CSMD3: variants seen among roughly 807,000 people sequenced by gnomAD.
CSMD3 encodes CUB and sushi domain-containing protein 3.
A neutral mutation model predicts 435.2 loss-of-function variants in CSMD3; 177 were observed. The observed-to-expected ratio is 0.41, with a 90% CI of 0.36 to 0.46. The LOEUF is 0.46. Among genes scored for constraint, CSMD3 ranks in the 20% least tolerant of loss-of-function variants. CSMD3 has a pLI of 0.34. For synonymous variants in CSMD3, 1,656 were observed against 1,520.5 expected (o/e 1.09, Z -2.07); for missense variants, 4,265 against 4,504.6 (o/e 0.95, Z 1.52).
chr8:112,671,454 C>G (rs933532136), intron 16 of CSMD3, among the ~76,000 whole-genome samples: 2 of 152,030 alleles, frequency 1.3e-5, no homozygotes, highest in African/African-American at 4.8e-5. Context: ...GCCAACCTAC[C>G]CCCTAACATG....
At chr8:113,102,182 G>T (rs576573869) in intron 4 of CSMD3, among the ~76,000 whole-genome samples, 2 of 152,142 alleles carry the variant, frequency 1.3e-5, no homozygotes, top group South Asian at 2.1e-4. Context: ...CAGCCTCCAG[G>T]CTTGCTTGAT....
intron 22 of CSMD3, among the ~76,000 whole-genome samples, chr8:112,621,914 G>A (rs1834102351): frequency 6.6e-6 from 1 of 152,080 alleles, no homozygotes; most frequent in African/African-American, 2.4e-5. Context: ...ACTGGAATAT[G>A]CCTCTGTCTG....
intron 30 of CSMD3, among the ~76,000 whole-genome samples, chr8:112,494,571 C>T (rs13272213): frequency 3.7e-4 from 35 of 93,718 alleles, no homozygotes; most frequent in Non-Finnish European, 4.6e-4. Flanking sequence ...TTCTTTCTTT[C>T]TTTTCTTTCT....
At chr8:112,987,813 C>T (rs2085309854) in intron 6 of CSMD3, among the ~76,000 whole-genome samples, 1 of 152,062 alleles carries the variant, frequency 6.6e-6, no homozygotes, top group Non-Finnish European at 1.5e-5. Context: ...ATTCCCTCGG[C>T]AGGATTTTCA....
rs142692024 is a variant in CSMD3 at position 113,416,537 on chromosome 8, C to T, written c.178+20140G>A. Among the ~76,000 whole-genome samples the T allele has an allele frequency of 2.8e-3, 429 of 152,176 alleles. 2 individuals are homozygous for T. Among genetic ancestry groups the T allele is most frequent in the African/African-American group, 9.8e-3 (409 of 41,536 alleles). On this transcript the variant is annotated intron_variant, in intron 1 of 70. Transcript: ENST00000297405. ...AAAGGATGCCAGTTTTGGAAATAAT[C>T]ACCCACCTGTTACCTCCATGCAGGT... is the stretch of plus-strand genomic sequence containing the variant.
chr8:112,673,938 CT>C (rs111706194), intron 16 of CSMD3, among the ~76,000 whole-genome samples: 164 of 148,148 alleles, frequency 1.1e-3, no homozygotes, highest in South Asian at 4.7e-3. Flanking sequence ...AAACAGAAGA[CT>C]TTTTTTTTTT....
At chr8:113,209,424 A>G (rs1461427474) in intron 3 of CSMD3, among the ~76,000 whole-genome samples, 2 of 152,186 alleles carry the variant, frequency 1.3e-5, no homozygotes, top group Non-Finnish European at 2.9e-5. Context: ...TGTAAGTTCC[A>G]TAAGAGTGTA....
At chr8:112,954,012 A>G (rs1303107807) in intron 8 of CSMD3, among the ~76,000 whole-genome samples, 1 of 151,432 alleles carries the variant, frequency 6.6e-6, no homozygotes, top group Non-Finnish European at 1.5e-5. Context: ...AAAAATACAT[A>G]GCTCTACTAA....
chr8:113,378,788 T>TGTGTGTGTGTGA (rs2094401789), intron 1 of CSMD3, among the ~76,000 whole-genome samples: 1 of 151,920 alleles, frequency 6.6e-6, no homozygotes, highest in African/African-American at 2.4e-5. Flanking sequence ...TGTGTGTGTG[T>TGTGTGTGTGTGA]GTGATTAATA....
chr8:112,458,297 G>C (rs573898595), intron 32 of CSMD3, among the ~76,000 whole-genome samples: 2 of 113,898 alleles, frequency 1.8e-5, no homozygotes, highest in South Asian at 5.8e-4. Flanking sequence ...GAGAAAATAA[G>C]CCTAAAATAT....
At chr8:112,345,365 A>G (rs1246903951) in intron 41 of CSMD3, among the ~76,000 whole-genome samples, 1 of 152,178 alleles carries the variant, frequency 6.6e-6, no homozygotes, top group African/African-American at 2.4e-5. Context: ...TGAATGGATA[A>G]AGAAAATATA....
chr8:113,191,415 C>A (rs947077489), intron 3 of CSMD3, among the ~76,000 whole-genome samples: 3 of 151,568 alleles, frequency 2.0e-5, no homozygotes, highest in African/African-American at 4.8e-5. Context: ...GTCCAGAAGT[C>A]CCCCGTGTCT....
At chr8:113,332,215 AT>A (rs2094033162) in intron 1 of CSMD3, among the ~76,000 whole-genome samples, 1 of 151,600 alleles carries the variant, frequency 6.6e-6, no homozygotes, top group Non-Finnish European at 1.5e-5. Flanking sequence ...CTTTACTGCT[AT>A]AAAAATGCTA....
intron 1 of CSMD3, among the ~76,000 whole-genome samples, chr8:113,394,981 G>T (rs1199310691): frequency 1.3e-5 from 2 of 152,050 alleles, no homozygotes; most frequent in Non-Finnish European, 2.9e-5. Flanking sequence ...CCAAGACATA[G>T]GGGCATGAAA....
chr8:113,168,545 A>AAAAAAAAAAAAAAAAAAAT (rs2092205698), intron 4 of CSMD3, among the ~76,000 whole-genome samples: 1 of 149,030 alleles, frequency 6.7e-6, no homozygotes, highest in Admixed American at 6.8e-5. Flanking sequence ...AAAAAAAAAA[A>AAAAAAAAAAAAAAAAAAAT]AACTACAGAT....
intron 45 of CSMD3, among the ~76,000 whole-genome samples, chr8:112,324,732 G>T (rs1012332649): frequency 1.8e-4 from 28 of 151,906 alleles, no homozygotes; most frequent in Admixed American, 1.7e-3. Context: ...GAGACCAATG[G>T]GAGGCCTTTA....
In CSMD3 at chr8:112,343,017, TTA is replaced by T. The variant is rs1231941595; in HGVS notation, c.6443-1333_6443-1332del. On this transcript the variant is annotated intron_variant, in intron 41 of 70. Transcript: ENST00000297405. ...TATATATATTTATATATATATATAT[TTA>T]TATATATATATATAGTTTAAATACA... Among the ~76,000 whole-genome samples the T allele has an allele frequency of 6.1e-3, 319 of 52,548 alleles. 1 individual carries two copies. The highest frequency in any genetic ancestry group is 0.013 in the African/African-American group (265 of 20,410). The allele number at this position is 52,548 out of a possible 152,430, so 34.5% of individuals were successfully genotyped here.
At chr8:112,824,146 C>A (rs552908940) in intron 12 of CSMD3, among the ~76,000 whole-genome samples, 117 of 152,018 alleles carry the variant, frequency 7.7e-4, no homozygotes, top group Admixed American at 1.6e-3. Flanking sequence ...ATTTCAACCC[C>A]TGCTTTTTTT....
rs549468910 is a variant in CSMD3, at chr8:113,250,975, G to A, written c.514+27617C>T. 1.3e-3 allele frequency among the ~76,000 whole-genome samples: 190 copies of A among 151,894 alleles called. 6 individuals carry two copies. The South Asian group carries it at 0.021, about 17-fold the overall frequency. ...TGGATGTGAAAATTGCCTTGCAGAA[G>A]GGTTACTAGGTAGAAATTAAGCTAA... On this transcript the variant is annotated intron_variant, in intron 3 of 70. Transcript: ENST00000297405.
Sources: gnomAD v4.1 joint callset for allele counts (sites outside exome capture counted in the v4.1 genomes callset) on GRCh38, gnomAD v4.1.1 for gene constraint, MANE v1.5 for transcripts, NCBI Gene and HGNC (gene_info 2026-07-23, HGNC 2026-07-21) for gene names.